The following MCC variants were observed in gnomAD, a reference collection of about 807,000 sequenced individuals.
MCC encodes the protein MCC regulator of Wnt signaling pathway, also known as colorectal mutant cancer protein.
A neutral mutation model predicts 116.2 loss-of-function variants in MCC; 90 were observed. The ratio of observed to expected loss-of-function variants is 0.77; its 90% CI spans 0.65 to 0.92. The LOEUF is 0.92. Among genes scored for constraint, MCC ranks in the 40% least tolerant of loss-of-function variants. The pLI, the probability that MCC is intolerant of heterozygous loss-of-function variation, is 0.00. For missense variants in MCC, 1,516 were observed against 1,312.2 expected, an observed-to-expected ratio of 1.16 and a Z score of -2.40; for synonymous variants, 578 against 510.5, an observed-to-expected ratio of 1.13 and a Z score of -1.78.
intron 4 of MCC, among the ~76,000 whole-genome samples, chr5:113,148,404 C>T (rs1035218708): frequency 1.3e-5 from 2 of 152,130 alleles, no homozygotes; most frequent in Non-Finnish European, 2.9e-5. Flanking sequence ...AATAAGACAC[C>T]TTCTTTTATT....
chr5:113,470,678 A>G (rs1252913059), intron 1 of MCC, among the ~76,000 whole-genome samples: 1 of 151,690 alleles, frequency 6.6e-6, no homozygotes, highest in Non-Finnish European at 1.5e-5. Flanking sequence ...GCTCTTCTCG[A>G]GGAGTATCTT....
In MCC at chr5:113,043,545, G is replaced by A. The variant is rs1489925872; in HGVS notation, c.2741C>T (p.Thr914Ile). 1.2e-6 allele frequency: 2 copies of A among 1,613,992 alleles called. No individual in the cohort carries two copies. The highest frequency in any genetic ancestry group is 1.7e-6 in the Non-Finnish European group (2 of 1,180,006). ...CSENELAAEF[T>I]NAIRREKKLK... ...GGGTGCTTACCGACGAATGGCGTTGGTGAACTCCGCAGCCAGCTCATTCTC... is the reference window on the plus strand; with the variant it reads ...GGGTGCTTACCGACGAATGGCGTTGATGAACTCCGCAGCCAGCTCATTCTC... The change falls in exon 17 of 19, where the codon ACC becomes ATC. Residue 914 changes from threonine to isoleucine, a missense_variant. By Grantham distance (89) the Thr-to-Ile change is moderately conservative. Transcript: ENST00000408903.
At chr5:113,116,694 A>G (rs1211739685) in intron 6 of MCC, among the ~76,000 whole-genome samples, 1 of 152,206 alleles carries the variant, frequency 6.6e-6, no homozygotes, top group Non-Finnish European at 1.5e-5. Context: ...ACTGAAGTAG[A>G]ACAATAACCT....
At chr5:113,421,004 A>T (rs1401798595) in intron 1 of MCC, among the ~76,000 whole-genome samples, 1 of 151,746 alleles carries the variant, frequency 6.6e-6, no homozygotes, top group African/African-American at 2.4e-5. Flanking sequence ...AATTAGTGGA[A>T]ATTCCGCAAA....
Position 113,240,684 on chromosome 5 carries a change from T to A in MCC, c.628-89262A>T, listed in dbSNP as rs539279835. Among the ~76,000 whole-genome samples, 22 of 152,306 alleles carry A rather than the reference T, an allele frequency of 1.4e-4. No homozygotes were observed. In the East Asian group the frequency reaches 4.3e-3, roughly 29 times the overall value. Reference sequence around the variant, plus strand: ...AGTCTAATGCCAACTGTAACAGGATTTCTCATCTTTTTTCCTATACTCAGA... The same window carrying A: ...AGTCTAATGCCAACTGTAACAGGATATCTCATCTTTTTTCCTATACTCAGA... On this transcript the variant is annotated intron_variant, in intron 3 of 18. Coordinates refer to ENST00000408903, the MANE Select transcript of MCC (RefSeq NM_001085377.2).
chr5:113,219,798 G>A (rs1356078277), intron 3 of MCC, among the ~76,000 whole-genome samples: 1 of 152,020 alleles, frequency 6.6e-6, no homozygotes, highest in Admixed American at 6.6e-5. Flanking sequence ...AGAGAATATT[G>A]ATTCCTCTTC....
intron 3 of MCC, among the ~76,000 whole-genome samples, chr5:113,303,741 C>T (rs1766918054): frequency 6.6e-6 from 1 of 152,172 alleles, no homozygotes; most frequent in African/African-American, 2.4e-5. Context: ...CAACCTCCAC[C>T]TCCCAGGTTC....
At chr5:113,461,581 G>A (rs1345323479) in intron 1 of MCC, among the ~76,000 whole-genome samples, 1 of 151,878 alleles carries the variant, frequency 6.6e-6, no homozygotes, top group Non-Finnish European at 1.5e-5. Context: ...CGAGTTGGGA[G>A]GACTGCTTGA....
intron 1 of MCC, among the ~76,000 whole-genome samples, chr5:113,429,417 G>A (rs1770567682): frequency 6.6e-6 from 1 of 152,084 alleles, no homozygotes; most frequent in African/African-American, 2.4e-5. Context: ...CCAGAACCAC[G>A]AAAAAATTAA....
chr5:113,352,068 C>A (rs1359112853), intron 2 of MCC, among the ~76,000 whole-genome samples: 2 of 152,144 alleles, frequency 1.3e-5, no homozygotes, highest in Non-Finnish European at 2.9e-5. Context: ...GAGCCAAAAT[C>A]AGTCATAATA....
At chr5:113,333,662 C>T (rs1439544539) in intron 3 of MCC, among the ~76,000 whole-genome samples, 1 of 149,802 alleles carries the variant, frequency 6.7e-6, no homozygotes, top group Non-Finnish European at 1.5e-5. Context: ...ATGAGTCTGA[C>T]TGTGTTTACA....
intron 7 of MCC, among the ~76,000 whole-genome samples, chr5:113,102,368 T>G (rs1284629291): frequency 1.3e-5 from 2 of 152,228 alleles, no homozygotes; most frequent in African/African-American, 4.8e-5. Context: ...AAAATCTAAC[T>G]TGAAGTTTCC....
intron 4 of MCC, among the ~76,000 whole-genome samples, chr5:113,150,176 AG>A (rs1465322051): frequency 1.3e-5 from 2 of 152,200 alleles, no homozygotes; most frequent in African/African-American, 4.8e-5. Flanking sequence ...AGCAGGTAAA[AG>A]GAACAGAGCC....
chr5:113,198,688 A>T (rs182014554), intron 3 of MCC, among the ~76,000 whole-genome samples: 3 of 148,412 alleles, frequency 2.0e-5, no homozygotes, highest in African/African-American at 7.6e-5. Flanking sequence ...CCTGGGTGAC[A>T]CAGCAACACC....
At chr5:113,366,323 G>GT (rs532029063) in intron 2 of MCC, among the ~76,000 whole-genome samples, 14 of 150,554 alleles carry the variant, frequency 9.3e-5, no homozygotes, top group Non-Finnish European at 1.6e-4. Flanking sequence ...ATCTTAGTAG[G>GT]TTTTTTTTTA....
chr5:113,095,843 TCA>T (rs985004301), intron 8 of MCC, among the ~76,000 whole-genome samples: 1 of 152,120 alleles, frequency 6.6e-6, no homozygotes, highest in Non-Finnish European at 1.5e-5. Context: ...CTGCAAATAT[TCA>T]CAGAATGTCA....
intron 3 of MCC, chr5:113,294,683 C>T (rs910462514): frequency 4.8e-5 from 50 of 1,040,788 alleles, no homozygotes; most frequent in East Asian, 7.8e-5. Context: ...CCCAGCGCCC[C>T]GTTCCGGGGC....
chr5:113,124,724 C>G (rs1757943646), intron 5 of MCC, among the ~76,000 whole-genome samples: 1 of 152,204 alleles, frequency 6.6e-6, no homozygotes, highest in Non-Finnish European at 1.5e-5. Flanking sequence ...GAAGGAGAAC[C>G]ATACCACATT....
At position 113,434,168 on chromosome 5, in the gene MCC, C is replaced by T; in HGVS notation, c.171-48956G>A. ...CGCGGTGCTCCTTCTGGATACGCAG[C>T]ATCTTCTTGATGTTGGAGTCGTCGT... On this transcript the variant is annotated intron_variant, in intron 1 of 18. Transcript: ENST00000408903. This position sits in a 1 kb window ranked among gnomAD's most constrained non-coding sequence, Gnocchi z 4.2. The T allele has an allele frequency of 6.2e-7, 1 of 1,614,178 alleles. No individual in the cohort carries two copies. The highest frequency in any genetic ancestry group is 8.5e-7 in the Non-Finnish European group (1 of 1,180,018).
Sources: allele counts gnomAD v4.1 joint callset (sites outside exome capture counted in the v4.1 genomes callset), GRCh38; gene constraint gnomAD v4.1.1; non-coding constraint Gnocchi (gnomAD v3.1); transcripts MANE v1.5; gene names NCBI Gene and HGNC (gene_info 2026-07-23, HGNC 2026-07-21).